SV2C: variants seen among roughly 807,000 people sequenced by gnomAD.
SV2C encodes synaptic vesicle glycoprotein 2C.
Under a neutral mutation model 79.7 loss-of-function variants are expected in SV2C, and 49 were observed. The observed-to-expected ratio is 0.61, with a 90% confidence interval of 0.49 to 0.78. The LOEUF is 0.78. Ranked by LOEUF, SV2C falls within the 30% of genes least tolerant of loss-of-function variation. The pLI, the probability that SV2C is intolerant of heterozygous loss-of-function variation, is 0.00. For missense variants in SV2C, 833 were observed against 912.9 expected, an observed-to-expected ratio of 0.91 and a Z score of 1.13; for synonymous variants, 334 against 333.2, an observed-to-expected ratio of 1.00 and a Z score of -0.03.
chr5:76,035,273 T>C, the SV2C span, among the ~76,000 whole-genome samples: 1 of 152,146 alleles, frequency 6.6e-6, no homozygotes, highest in South Asian at 2.1e-4. Flanking sequence ...TGATCTTAGT[T>C]ATATCTTGCC....
At chr5:75,903,070 G>A in the SV2C span, among the ~76,000 whole-genome samples, 5 of 152,158 alleles carry the variant, frequency 3.3e-5, no homozygotes, top group African/African-American at 1.2e-4. Flanking sequence ...AACTTACATA[G>A]TTTTGAACAA....
At chr5:75,986,612 A>G in the SV2C span, among the ~76,000 whole-genome samples, 1 of 152,016 alleles carries the variant, frequency 6.6e-6, no homozygotes, top group Non-Finnish European at 1.5e-5. Context: ...AAACTAACAT[A>G]TTCAATAGAG....
chr5:76,246,157 A>G (rs1745941801), intron 4 of SV2C, among the ~76,000 whole-genome samples: 1 of 152,074 alleles, frequency 6.6e-6, no homozygotes, highest in South Asian at 2.1e-4. Flanking sequence ...CCATGTGGGA[A>G]AAAAAAGACA....
the SV2C span, among the ~76,000 whole-genome samples, chr5:76,037,340 GTT>G: frequency 6.6e-6 from 1 of 152,192 alleles, no homozygotes; most frequent in African/African-American, 2.4e-5. Flanking sequence ...AGAGTTTCCA[GTT>G]TCTCTGCTCT....
the SV2C span, among the ~76,000 whole-genome samples, chr5:76,010,953 G>T: frequency 3.3e-5 from 5 of 152,162 alleles, no homozygotes; most frequent in Non-Finnish European, 7.3e-5. Context: ...CTAAAGCAAA[G>T]TAGAGAAACC....
chr5:76,267,704 C>G (rs1018973471), intron 4 of SV2C, among the ~76,000 whole-genome samples: 1 of 152,180 alleles, frequency 6.6e-6, no homozygotes, highest in Non-Finnish European at 1.5e-5. Context: ...TTGCAAGATA[C>G]AAGTCGGGGA....
intron 12 of SV2C, among the ~76,000 whole-genome samples, chr5:76,312,638 G>A (rs1055102261): frequency 3.2e-4 from 48 of 152,282 alleles, no homozygotes; most frequent in Non-Finnish European, 5.6e-4. Flanking sequence ...TCTCAGGGCC[G>A]TCCTGCAACT....
At chr5:75,962,621 A>T in the SV2C span, among the ~76,000 whole-genome samples, 6,344 of 152,168 alleles carry the variant, frequency 0.042, 446 homozygotes, top group African/African-American at 0.14. Flanking sequence ...TACATCTACT[A>T]GGTTAGTAAC....
the SV2C span, among the ~76,000 whole-genome samples, chr5:75,901,356 A>G: frequency 1.3e-5 from 2 of 152,108 alleles, no homozygotes; most frequent in Non-Finnish European, 1.5e-5. Flanking sequence ...TCCACTCCAG[A>G]CTGTGTTTGC....
the SV2C span, among the ~76,000 whole-genome samples, chr5:75,890,009 G>T: frequency 6.6e-6 from 1 of 152,044 alleles, no homozygotes; most frequent in Admixed American, 6.6e-5. Flanking sequence ...TTTTAGAGAC[G>T]TGACCAAGAT....
intron 2 of SV2C, among the ~76,000 whole-genome samples, chr5:76,136,441 T>G (rs1749071700): frequency 6.6e-6 from 1 of 152,184 alleles, no homozygotes; most frequent in Admixed American, 6.5e-5. Flanking sequence ...ATATTCTGAT[T>G]AGTATATTGT....
At chr5:75,931,400 G>A in the SV2C span, among the ~76,000 whole-genome samples, 2 of 152,142 alleles carry the variant, frequency 1.3e-5, no homozygotes, top group Non-Finnish European at 2.9e-5. Flanking sequence ...TGGGATACTT[G>A]GATCATATGC....
chr5:75,986,429 G>C, the SV2C span, among the ~76,000 whole-genome samples: 1 of 151,786 alleles, frequency 6.6e-6, no homozygotes, highest in African/African-American at 2.4e-5. Context: ...TTAGAGGCTA[G>C]AAAAGGCAAG....
At chr5:75,970,948 C>A in the SV2C span, among the ~76,000 whole-genome samples, 2 of 152,028 alleles carry the variant, frequency 1.3e-5, no homozygotes, top group African/African-American at 2.4e-5. Flanking sequence ...AAACCGAATC[C>A]AGCAGCACAT....
chr5:76,296,814 A>G (rs1747785757), intron 9 of SV2C, among the ~76,000 whole-genome samples: 1 of 152,214 alleles, frequency 6.6e-6, no homozygotes, highest in Non-Finnish European at 1.5e-5. Flanking sequence ...CTAGGAGGTA[A>G]TTGTTCAAAT....
chr5:76,056,494 A>C, the SV2C span, among the ~76,000 whole-genome samples: 1 of 152,118 alleles, frequency 6.6e-6, no homozygotes, highest in Non-Finnish European at 1.5e-5. Context: ...TATCAGGATG[A>C]TGCTGGCCTC....
At chr5:76,142,993 T>G (rs927144963) in intron 2 of SV2C, among the ~76,000 whole-genome samples, 210 of 148,352 alleles carry the variant, frequency 1.4e-3, no homozygotes, top group African/African-American at 4.7e-3. Context: ...GACTCCCTGG[T>G]TCAAGCAATT....
chr5:75,910,488 T>C, the SV2C span: 1 of 608,152 alleles, frequency 1.6e-6, no homozygotes, highest in Admixed American at 2.0e-5. Context: ...TTGTATAGCT[T>C]GTGGTCTTCT....
chr5:75,931,607 T>C, the SV2C span, among the ~76,000 whole-genome samples: 1 of 152,202 alleles, frequency 6.6e-6, no homozygotes, highest in African/African-American at 2.4e-5. Context: ...TTTATGCTTA[T>C]GTCAAATGGA....
Sources: gnomAD v4.1 joint callset for allele counts (sites outside exome capture counted in the v4.1 genomes callset) on GRCh38, gnomAD v4.1.1 for gene constraint, MANE v1.5 for transcripts, NCBI Gene and HGNC (gene_info 2026-07-23, HGNC 2026-07-21) for gene names.